ABCC1: variants seen among roughly 807,000 people sequenced by gnomAD.
ABCC1 encodes the protein ATP binding cassette subfamily C member 1 (ABCC1 blood group).
In ABCC1, 83 loss-of-function variants were observed where a neutral mutation model predicts 172.9. The ratio of observed to expected loss-of-function variants is 0.48; its 90% CI spans 0.40 to 0.58. The LOEUF is 0.58. Ranked by LOEUF, ABCC1 falls within the 20% of genes least tolerant of loss-of-function variation. The probability of loss-of-function intolerance (pLI) is 0.00; values close to 1 mark genes in which losing one functional copy is unlikely to be tolerated. For synonymous variants in ABCC1, 937 were observed against 825.2 expected, an observed-to-expected ratio of 1.14 and a Z score of -2.32; for missense variants, 1,817 against 2,002.7, an observed-to-expected ratio of 0.91 and a Z score of 1.77.
intron 14 of ABCC1, among the ~76,000 whole-genome samples, chr16:16,074,107 T>C (rs2050461458): frequency 1.3e-5 from 2 of 152,220 alleles, no homozygotes; most frequent in African/African-American, 4.8e-5. Context: ...TGGGCGCTAC[T>C]GACATCTGGA....
intron 19 of ABCC1, 94 bp from the exon 20 acceptor site, chr16:16,102,533 G>C: frequency 8.9e-7 from 1 of 1,117,772 alleles, no homozygotes; most frequent in Non-Finnish European, 1.3e-6. Context: ...GGTGCTCTGT[G>C]GTCTCCTCAC....
chr16:16,022,146 G>C (rs2048215947), intron 5 of ABCC1, among the ~76,000 whole-genome samples: 1 of 152,204 alleles, frequency 6.6e-6, no homozygotes, highest in Non-Finnish European at 1.5e-5. Context: ...GGGGCGGCTG[G>C]GGTCAGGTCA....
At chr16:15,991,111 C>T (rs2046854696) in intron 1 of ABCC1, among the ~76,000 whole-genome samples, 2 of 152,062 alleles carry the variant, frequency 1.3e-5, no homozygotes, top group South Asian at 4.1e-4. Context: ...GTGCAGATAT[C>T]TCTTCAGGGC....
intron 7 of ABCC1, among the ~76,000 whole-genome samples, chr16:16,041,655 A>C (rs1368993538): frequency 6.6e-6 from 1 of 152,134 alleles, no homozygotes; most frequent in Non-Finnish European, 1.5e-5. Flanking sequence ...CCTTTTGTTA[A>C]CCAGAGAAAG....
intron 1 of ABCC1, among the ~76,000 whole-genome samples, chr16:15,999,319 A>C (rs1023731700): frequency 1.3e-5 from 2 of 152,136 alleles, no homozygotes; most frequent in African/African-American, 4.8e-5. Context: ...AAATTTTTTT[A>C]AAGAAATGGG....
At chr16:16,061,504 T>C (rs779285948) in intron 12 of ABCC1, among the ~76,000 whole-genome samples, 44 of 152,214 alleles carry the variant, frequency 2.9e-4, no homozygotes, top group Non-Finnish European at 1.9e-4. Context: ...CATTGCGAAG[T>C]GTCCCCTTGG....
intron 1 of ABCC1, among the ~76,000 whole-genome samples, chr16:15,962,644 A>G (rs2046160041): frequency 6.6e-6 from 1 of 152,226 alleles, no homozygotes; most frequent in African/African-American, 2.4e-5. Flanking sequence ...GGCAGGAGAC[A>G]GAAGTGCAGA....
rs2048848129 is a variant in ABCC1 at position 16,038,637 on chromosome 16, CCAGAAATAACA to C, written c.809+2036_809+2046del. Among the ~76,000 whole-genome samples, 3 of 152,270 alleles carry C rather than the reference CCAGAAATAACA, an allele frequency of 2.0e-5. No individual in the cohort carries two copies. The South Asian group carries it at 6.2e-4, about 32-fold the overall frequency. ...TCTGGAAACATCCTCACAGACACAC[CCAGAAATAACA>C]CTTTAACAGCAATCTGGGTATCCCT... is the stretch of plus-strand genomic sequence containing the variant. On this transcript the variant is annotated intron_variant, in intron 7 of 30. Transcript: ENST00000399410.
At chr16:16,119,298 G>T (rs551163108) in intron 23 of ABCC1, among the ~76,000 whole-genome samples, 1 of 152,238 alleles carries the variant, frequency 6.6e-6, no homozygotes, top group African/African-American at 2.4e-5. Flanking sequence ...AAAATTAGCT[G>T]GGTGTGGTGG....
chr16:16,011,965 G>A (rs186133502), intron 3 of ABCC1, among the ~76,000 whole-genome samples: 336 of 151,634 alleles, frequency 2.2e-3, no homozygotes, highest in African/African-American at 7.6e-3. Flanking sequence ...CACCACCCCC[G>A]GCCAGTTTGT....
intron 20 of ABCC1, among the ~76,000 whole-genome samples, chr16:16,105,000 G>A (rs138811942): frequency 6.6e-6 from 1 of 151,908 alleles, no homozygotes; most frequent in Non-Finnish European, 1.5e-5. Flanking sequence ...GTTCCCTCCC[G>A]TTCCTCTCCC....
At chr16:16,093,784 G>A (rs2079937889) in intron 19 of ABCC1, among the ~76,000 whole-genome samples, 1 of 151,998 alleles carries the variant, frequency 6.6e-6, no homozygotes, top group African/African-American at 2.4e-5. Context: ...TTTCCTTGTT[G>A]GATTAATCAG....
intron 19 of ABCC1, among the ~76,000 whole-genome samples, chr16:16,097,612 T>C (rs908524989): frequency 6.6e-6 from 1 of 152,160 alleles, no homozygotes; most frequent in African/African-American, 2.4e-5. Context: ...TAGGAGAAAA[T>C]AGGAGTGGAT....
At chr16:16,012,688 CT>C (rs975934305) in intron 3 of ABCC1, among the ~76,000 whole-genome samples, 71 of 131,658 alleles carry the variant, frequency 5.4e-4, no homozygotes, top group Non-Finnish European at 5.1e-4. Flanking sequence ...TGTTCCTGGT[CT>C]TTTTTTTTTT....
At chr16:16,116,089 A>G (rs1054705725) in intron 23 of ABCC1, among the ~76,000 whole-genome samples, 5 of 152,018 alleles carry the variant, frequency 3.3e-5, no homozygotes, top group Middle Eastern at 3.4e-3. Flanking sequence ...TATTTTCAGT[A>G]GAGACAAGGT....
chr16:16,097,397 G>C (rs906690399), intron 19 of ABCC1, among the ~76,000 whole-genome samples: 1 of 152,204 alleles, frequency 6.6e-6, no homozygotes, highest in African/African-American at 2.4e-5. Flanking sequence ...ACAGGCATGA[G>C]CCATCGTGCC....
chr16:16,127,089 T>C (rs1445475734), intron 26 of ABCC1, among the ~76,000 whole-genome samples: 4 of 152,114 alleles, frequency 2.6e-5, no homozygotes, highest in Non-Finnish European at 5.9e-5. Context: ...GCAGTGATAA[T>C]AGATAATCAC....
intron 22 of ABCC1, among the ~76,000 whole-genome samples, chr16:16,113,145 G>C (rs1271428568): frequency 6.6e-6 from 1 of 152,148 alleles, no homozygotes; most frequent in Admixed American, 6.5e-5. Context: ...CGGTAGCAGA[G>C]CACACATGGA....
upstream of ABCC1, among the ~76,000 whole-genome samples, chr16:15,949,188 T>C (rs1359675314): frequency 6.6e-6 from 1 of 152,156 alleles, no homozygotes; most frequent in Non-Finnish European, 1.5e-5. Context: ...CCTGGGTTTC[T>C]TCCTTCATGA....
Sources: gnomAD v4.1 joint callset for allele counts (sites outside exome capture counted in the v4.1 genomes callset) on GRCh38, gnomAD v4.1.1 for gene constraint, MANE v1.5 for transcripts, NCBI Gene and HGNC (gene_info 2026-07-23, HGNC 2026-07-21) for gene names.